SPIDR: variants seen among roughly 807,000 people sequenced by gnomAD.
SPIDR encodes DNA repair-scaffolding protein.
A neutral mutation model predicts 104.6 loss-of-function variants in SPIDR; 93 were observed. The observed-to-expected ratio is 0.89, with a 90% CI of 0.75 to 1.06. The LOEUF is 1.06. SPIDR is among the 50% of genes least tolerant of loss of function. SPIDR has a pLI of 0.00. For missense variants in SPIDR, 1,154 were observed against 1,111.2 expected (o/e 1.04, Z -0.55); for synonymous variants, 431 against 416.9 (o/e 1.03, Z -0.41).
At chr8:47,316,728 C>T (rs1384698004) in intron 5 of SPIDR, among the ~76,000 whole-genome samples, 2 of 152,240 alleles carry the variant, frequency 1.3e-5, no homozygotes, top group Admixed American at 1.3e-4. Context: ...CTTAGAGGAA[C>T]TTGCTGGGTG....
intron 11 of SPIDR, among the ~76,000 whole-genome samples, chr8:47,699,889 G>GT (rs2079897623): frequency 6.6e-6 from 1 of 152,198 alleles, no homozygotes; most frequent in Non-Finnish European, 1.5e-5. Context: ...ATACATATCT[G>GT]TTTGGGGAAA....
Position 47,505,818 on chromosome 8 carries a change from T to C in SPIDR, c.1097+65276T>C, listed in dbSNP as rs1389306560. The stretch of plus-strand genomic sequence containing the variant: ...AGCAGTGCCACCCGGGCTTCCCTAC[T>C]AAGGATATTAGTGTTCACTCTCTCC... On this transcript the variant is annotated intron_variant, in intron 8 of 19. Coordinates refer to ENST00000297423, the MANE Select transcript of SPIDR (RefSeq NM_001080394.4). Among the ~76,000 whole-genome samples, 26 of 152,324 alleles carry C rather than the reference T, an allele frequency of 1.7e-4. 1 individual carries two copies. Among genetic ancestry groups the C allele is most frequent in the Admixed American group, 1.7e-3 (26 of 15,304 alleles).
intron 1 of SPIDR, among the ~76,000 whole-genome samples, chr8:47,277,388 CAG>C (rs2036728457): frequency 1.3e-5 from 2 of 151,082 alleles, no homozygotes; most frequent in South Asian, 4.2e-4. Context: ...ATTTTAGAGA[CAG>C]AGTCTTGCTG....
At chr8:47,370,154 T>A (rs141406539) in intron 5 of SPIDR, among the ~76,000 whole-genome samples, 1 of 152,166 alleles carries the variant, frequency 6.6e-6, no homozygotes, top group Non-Finnish European at 1.5e-5. Flanking sequence ...GAGTGGTGAT[T>A]ACAAATGTGG....
At chr8:47,262,946 C>T (rs2032893617) in intron 1 of SPIDR, among the ~76,000 whole-genome samples, 1 of 152,224 alleles carries the variant, frequency 6.6e-6, no homozygotes, top group Admixed American at 6.5e-5. Flanking sequence ...TGTTAGTCCT[C>T]TATCTAAATC....
intron 10 of SPIDR, among the ~76,000 whole-genome samples, chr8:47,621,763 C>T (rs2065204699): frequency 6.6e-6 from 1 of 152,224 alleles, no homozygotes; most frequent in Admixed American, 6.5e-5. Context: ...CACCTGAGGT[C>T]AGGAGTTCAA....
At chr8:47,495,361 A>G (rs1453322373) in intron 8 of SPIDR, among the ~76,000 whole-genome samples, 1 of 151,566 alleles carries the variant, frequency 6.6e-6, no homozygotes, top group Non-Finnish European at 1.5e-5. Flanking sequence ...AAACAGGTAT[A>G]TGAGAGCTGC....
At chr8:47,396,232 G>C in intron 5 of SPIDR, 144 bp from the exon 6 acceptor site, 1 of 714,264 alleles carries the variant, frequency 1.4e-6, no homozygotes, top group South Asian at 2.0e-5. Context: ...CAGAACAGAA[G>C]TTAAAGCTGC....
At chr8:47,351,196 T>G (rs2053448844) in intron 5 of SPIDR, among the ~76,000 whole-genome samples, 1 of 152,236 alleles carries the variant, frequency 6.6e-6, no homozygotes, top group African/African-American at 2.4e-5. Flanking sequence ...CTCTTTACTG[T>G]GTCTGATTTA....
chr8:47,492,977 C>T (rs1467767851), intron 8 of SPIDR, among the ~76,000 whole-genome samples: 2 of 151,344 alleles, frequency 1.3e-5, no homozygotes, highest in East Asian at 1.9e-4. Flanking sequence ...CTACTGATAC[C>T]TTCCAGCTGG....
chr8:47,680,065 G>A (rs1270109976), intron 11 of SPIDR, among the ~76,000 whole-genome samples: 6 of 152,100 alleles, frequency 3.9e-5, no homozygotes, highest in African/African-American at 7.3e-5. Context: ...GTCTGTGTGC[G>A]GTGCAGGTGA....
At chr8:47,317,736 C>G (rs1323877365) in intron 5 of SPIDR, among the ~76,000 whole-genome samples, 2 of 152,244 alleles carry the variant, frequency 1.3e-5, no homozygotes, top group East Asian at 1.9e-4. Context: ...CCGGGTACTC[C>G]TCTGAGACAA....
chr8:47,551,456 T>C (rs1029791312), intron 8 of SPIDR, among the ~76,000 whole-genome samples: 1 of 152,208 alleles, frequency 6.6e-6, no homozygotes, highest in Non-Finnish European at 1.5e-5. Context: ...GAGCCTGTTA[T>C]CAGTCTATTG....
At position 47,407,889 on chromosome 8, in the gene SPIDR, C is replaced by T. The variant is rs782199922; in HGVS notation, c.805C>T (p.Leu269=). Reference sequence around the variant, plus strand: ...TGGACTAGCAGAAAGACTAAATGGACTGCAGAATCGAGAGAGATCTGCTAT... The same window carrying T: ...TGGACTAGCAGAAAGACTAAATGGATTGCAGAATCGAGAGAGATCTGCTAT... ...RGGLAERLNG[L]QNRERSAISL... Residue 269 remains leucine (L), a synonymous_variant, in exon 7 of 20, where the codon CTG becomes TTG. Transcript: ENST00000297423. The T allele has an allele frequency of 2.0e-5, 32 of 1,603,126 alleles. No individual in the cohort carries two copies. The East Asian group carries it at 7.2e-4, about 36-fold the overall frequency.
At chr8:47,326,109 C>T (rs916154641) in intron 5 of SPIDR, among the ~76,000 whole-genome samples, 1 of 152,206 alleles carries the variant, frequency 6.6e-6, no homozygotes, top group African/African-American at 2.4e-5. Context: ...ATCCTCCCAC[C>T]TCTGCCTCCG....
intron 8 of SPIDR, among the ~76,000 whole-genome samples, chr8:47,580,327 A>C (rs1440634436): frequency 6.6e-6 from 1 of 152,222 alleles, no homozygotes; most frequent in Admixed American, 6.5e-5. Context: ...AATTCACAGT[A>C]GTGACAGCAG....
chr8:47,515,942 T>C (rs1367358988), intron 8 of SPIDR, among the ~76,000 whole-genome samples: 1 of 152,206 alleles, frequency 6.6e-6, no homozygotes, highest in Non-Finnish European at 1.5e-5. Flanking sequence ...CCTGAGTAGC[T>C]GGGACTACAG....
chr8:47,493,261 A>G lies in SPIDR; in HGVS notation c.1097+52719A>G, dbSNP rs190359100. ...AGAATTTGTTATAATTTGGAATGAC[A>G]TTGTGGAAAAACTCATATATTCCAT... On this transcript the variant is annotated intron_variant, in intron 8 of 19. Transcript: ENST00000297423. Among the ~76,000 whole-genome samples, 204 of 152,316 alleles carry G rather than the reference A, an allele frequency of 1.3e-3. 1 individual carries two copies. The highest frequency in any genetic ancestry group is 4.8e-3 in the African/African-American group (198 of 41,578).
intron 10 of SPIDR, among the ~76,000 whole-genome samples, chr8:47,636,742 G>C (rs2067987847): frequency 6.6e-6 from 1 of 151,746 alleles, no homozygotes; most frequent in South Asian, 2.1e-4. Flanking sequence ...CTTGAGCCTG[G>C]GAGTTCAAGG....
Sources: gnomAD v4.1 joint callset for allele counts (sites outside exome capture counted in the v4.1 genomes callset) on GRCh38, gnomAD v4.1.1 for gene constraint, MANE v1.5 for transcripts, NCBI Gene and HGNC (gene_info 2026-07-23, HGNC 2026-07-21) for gene names.